The following ADAMTS3 variants were observed in gnomAD, a reference collection of about 807,000 sequenced individuals.
The protein encoded by ADAMTS3 is ADAM metallopeptidase with thrombospondin type 1 motif 3, also known as A disintegrin and metalloproteinase with thrombospondin motifs 3.
In ADAMTS3, 73 loss-of-function variants were observed where a neutral mutation model predicts 129.0. The observed-to-expected ratio is 0.57, with a 90% CI of 0.47 to 0.69. The LOEUF (loss-of-function observed/expected upper bound fraction) is 0.69. Ranked by LOEUF, ADAMTS3 falls within the 30% of genes least tolerant of loss-of-function variation. The pLI is 0.00. For synonymous variants in ADAMTS3, 477 were observed against 510.8 expected, an observed-to-expected ratio of 0.93 and a Z score of 0.89; for missense variants, 1,457 against 1,514.5, an observed-to-expected ratio of 0.96 and a Z score of 0.63.
Position 72,281,521 on chromosome 4 carries a change from A to G in ADAMTS3, c.*1615T>C, listed in dbSNP as rs1010151602. ...TTCATGATGCACTTATCTCTTTCAA[A>G]AACTTTTAAAAATGTTTCTAATTCA... On this transcript the variant is annotated 3_prime_UTR_variant, in exon 22 of 22. Transcript: ENST00000286657. 1.3e-5 allele frequency: 2 copies of G among 152,230 alleles called. No individual in the cohort carries two copies. The highest frequency in any genetic ancestry group is 4.8e-5 in the African/African-American group (2 of 41,460). The allele number at this position is 152,230 out of a possible 1,614,324, so 9.4% of individuals were successfully genotyped here. A position where few individuals can be genotyped will look rare whatever the true frequency, so the allele number is the denominator to read the frequency against.
intron 3 of ADAMTS3, among the ~76,000 whole-genome samples, chr4:72,445,498 A>G (rs775318075): frequency 2.6e-5 from 4 of 151,732 alleles, no homozygotes; most frequent in Non-Finnish European, 4.4e-5. Context: ...TAGGAAAAAC[A>G]GTTCTGTAAG....
intron 3 of ADAMTS3, among the ~76,000 whole-genome samples, chr4:72,478,755 C>T (rs1021218929): frequency 2.0e-5 from 3 of 152,098 alleles, no homozygotes; most frequent in African/African-American, 7.2e-5. Flanking sequence ...GTCAAATTGT[C>T]CCTGTTTGCA....
chr4:72,405,991 CTG>C (rs1168368729), intron 4 of ADAMTS3, among the ~76,000 whole-genome samples: 1 of 152,122 alleles, frequency 6.6e-6, no homozygotes, highest in Non-Finnish European at 1.5e-5. Context: ...GGACATCACT[CTG>C]TTCACAATCT....
At chr4:72,457,018 T>C (rs1293730067) in intron 3 of ADAMTS3, among the ~76,000 whole-genome samples, 2 of 151,682 alleles carry the variant, frequency 1.3e-5, no homozygotes, top group African/African-American at 4.8e-5. Context: ...TAAGTAGAGA[T>C]CTTTGAGGTG....
At chr4:72,388,611 T>A (rs1455804772) in intron 4 of ADAMTS3, among the ~76,000 whole-genome samples, 1 of 152,200 alleles carries the variant, frequency 6.6e-6, no homozygotes, top group Non-Finnish European at 1.5e-5. Flanking sequence ...AATAAATGTC[T>A]TTTCTGTTCA....
intron 3 of ADAMTS3, among the ~76,000 whole-genome samples, chr4:72,526,234 G>A (rs1232343400): frequency 6.6e-6 from 1 of 152,148 alleles, no homozygotes; most frequent in Non-Finnish European, 1.5e-5. Context: ...GTCCAGGGTT[G>A]TGCTATTTAA....
At position 72,312,274 on chromosome 4, in the gene ADAMTS3, A is replaced by G; in HGVS notation, c.1921+17T>C. 1 of 1,613,020 alleles carries G rather than the reference A, an allele frequency of 6.2e-7. No homozygotes were observed. ...TAACCATCCACACAGCAGGAAGGAG[A>G]GCACGAGGCTACTCACGGTCAGGAT... On this transcript the variant is annotated intron_variant, in intron 13 of 21. Coordinates refer to ENST00000286657, the MANE Select transcript of ADAMTS3 (RefSeq NM_014243.3).
intron 3 of ADAMTS3, among the ~76,000 whole-genome samples, chr4:72,520,299 C>T (rs1176618269): frequency 6.6e-6 from 1 of 152,200 alleles, no homozygotes; most frequent in Non-Finnish European, 1.5e-5. Flanking sequence ...GTCAGGGACC[C>T]ACTTGAGGAG....
At chr4:72,506,170 C>T (rs913848055) in intron 3 of ADAMTS3, among the ~76,000 whole-genome samples, 3 of 152,136 alleles carry the variant, frequency 2.0e-5, no homozygotes, top group African/African-American at 4.8e-5. Flanking sequence ...CACTGCACTA[C>T]GATCTATGCA....
At chr4:72,483,618 C>G (rs1358806445) in intron 3 of ADAMTS3, among the ~76,000 whole-genome samples, 1 of 152,174 alleles carries the variant, frequency 6.6e-6, no homozygotes, top group Admixed American at 6.5e-5. Context: ...AACAGTGGCT[C>G]TCAGAGAGGT....
intron 4 of ADAMTS3, among the ~76,000 whole-genome samples, chr4:72,401,161 C>A (rs188264383): frequency 1.3e-5 from 2 of 151,948 alleles, no homozygotes; most frequent in Admixed American, 1.3e-4. Context: ...TAGAACACTT[C>A]CATCATCACG....
chr4:72,423,791 G>A (rs1578667036), intron 3 of ADAMTS3, among the ~76,000 whole-genome samples: 1 of 152,176 alleles, frequency 6.6e-6, no homozygotes, highest in South Asian at 2.1e-4. Flanking sequence ...TTGATCTGAA[G>A]CTGTATTCGC....
chr4:72,510,686 C>A (rs1250447496), intron 3 of ADAMTS3, among the ~76,000 whole-genome samples: 3 of 151,592 alleles, frequency 2.0e-5, no homozygotes, highest in Non-Finnish European at 2.9e-5. Flanking sequence ...TCCATACTAC[C>A]CAAAGCAATC....
intron 3 of ADAMTS3, among the ~76,000 whole-genome samples, chr4:72,533,760 C>G (rs1052702196): frequency 2.0e-5 from 3 of 151,930 alleles, no homozygotes; most frequent in Admixed American, 6.6e-5. Flanking sequence ...TCTTCCAAAG[C>G]TGTAATAGCA....
At chr4:72,432,320 C>T (rs1189318538) in intron 3 of ADAMTS3, among the ~76,000 whole-genome samples, 1 of 151,886 alleles carries the variant, frequency 6.6e-6, no homozygotes, top group Non-Finnish European at 1.5e-5. Context: ...TCTACTTTCC[C>T]TCCCGACCAC....
chr4:72,493,263 A>AGTT (rs1719792557), intron 3 of ADAMTS3, among the ~76,000 whole-genome samples: 1 of 151,830 alleles, frequency 6.6e-6, no homozygotes, highest in Non-Finnish European at 1.5e-5. Context: ...CCACTTTGTT[A>AGTT]GTTGTTTTCT....
At chr4:72,549,026 T>C (rs1036768186) in intron 2 of ADAMTS3, 142 bp from the exon 3 acceptor site, 22 of 677,608 alleles carry the variant, frequency 3.2e-5, no homozygotes, top group Non-Finnish European at 4.7e-5. Context: ...TCATAAATAT[T>C]AAATTTTGAG....
At chr4:72,459,576 T>C (rs1176816511) in intron 3 of ADAMTS3, among the ~76,000 whole-genome samples, 1 of 151,502 alleles carries the variant, frequency 6.6e-6, no homozygotes, top group Non-Finnish European at 1.5e-5. Flanking sequence ...GAAAAAGGAA[T>C]AATAACAAGA....
intron 14 of ADAMTS3, among the ~76,000 whole-genome samples, chr4:72,310,084 T>A (rs1004130387): frequency 6.6e-6 from 1 of 152,178 alleles, no homozygotes; most frequent in South Asian, 2.1e-4. Flanking sequence ...TCTAAACCCA[T>A]ATTTAAACCA....
Sources: gnomAD v4.1 joint callset for allele counts (sites outside exome capture counted in the v4.1 genomes callset) on GRCh38, gnomAD v4.1.1 for gene constraint, MANE v1.5 for transcripts, NCBI Gene and HGNC (gene_info 2026-07-23, HGNC 2026-07-21) for gene names.